CSRNP3: variants seen among roughly 807,000 people sequenced by gnomAD.
CSRNP3 encodes the protein cysteine and serine rich nuclear protein 3, also known as cysteine/serine-rich nuclear protein 3.
In CSRNP3, 12 loss-of-function variants were observed where a neutral mutation model predicts 48.0. That is an observed-to-expected ratio of 0.25 (90% CI 0.16 to 0.41). The LOEUF is 0.41. Among genes scored for constraint, CSRNP3 ranks in the 10% least tolerant of loss-of-function variants. The pLI is 1.00. For missense variants in CSRNP3, 580 were observed against 724.4 expected (o/e 0.80, Z 2.29); for synonymous variants, 263 against 269.7 (o/e 0.98, Z 0.24).
chr2:165,505,290 A>G (rs1279298543), intron 2 of CSRNP3, among the ~76,000 whole-genome samples: 3 of 152,166 alleles, frequency 2.0e-5, no homozygotes, highest in Non-Finnish European at 4.4e-5. Flanking sequence ...ACTTAATTGG[A>G]GAATAATAAA....
At chr2:165,484,715 G>A (rs1231145598) in intron 1 of CSRNP3, among the ~76,000 whole-genome samples, 3 of 152,084 alleles carry the variant, frequency 2.0e-5, no homozygotes, top group African/African-American at 7.2e-5. Context: ...ACCTATTACT[G>A]CAGACATCTG....
chr2:165,528,397 AG>A (rs1684768155), intron 3 of CSRNP3, among the ~76,000 whole-genome samples: 1 of 152,204 alleles, frequency 6.6e-6, no homozygotes, highest in African/African-American at 2.4e-5. Flanking sequence ...ATAATTGCCC[AG>A]ACCAGTGTCA....
intron 3 of CSRNP3, among the ~76,000 whole-genome samples, chr2:165,524,288 A>G (rs1447355754): frequency 6.6e-6 from 1 of 152,200 alleles, no homozygotes; most frequent in Non-Finnish European, 1.5e-5. Flanking sequence ...ACTTGGGGGA[A>G]AATAAGGTGT....
intron 2 of CSRNP3, among the ~76,000 whole-genome samples, chr2:165,509,197 AG>A (rs1171180396): frequency 2.0e-5 from 3 of 152,184 alleles, no homozygotes; most frequent in African/African-American, 7.2e-5. Flanking sequence ...ATGTGCTGTG[AG>A]GAAAAATAAA....
intron 5 of CSRNP3, among the ~76,000 whole-genome samples, chr2:165,667,986 T>C (rs1392589586): frequency 6.6e-6 from 1 of 152,240 alleles, no homozygotes; most frequent in Non-Finnish European, 1.5e-5. Flanking sequence ...TTTAAAAATG[T>C]ATTAATCAAT....
chr2:165,613,802 C>T (rs140460937), intron 4 of CSRNP3, among the ~76,000 whole-genome samples: 157 of 152,180 alleles, frequency 1.0e-3, no homozygotes, highest in African/African-American at 3.2e-3. Flanking sequence ...GTTACTACAG[C>T]TTTGTAGTGG....
intron 4 of CSRNP3, among the ~76,000 whole-genome samples, chr2:165,634,347 G>GAA: frequency 6.6e-6 from 1 of 151,256 alleles, no homozygotes; most frequent in East Asian, 1.9e-4. Context: ...TCCAAAAAAA[G>GAA]AAAAAAAACA....
intron 4 of CSRNP3, among the ~76,000 whole-genome samples, chr2:165,600,175 T>G (rs1019036689): frequency 7.0e-6 from 1 of 142,558 alleles, no homozygotes; most frequent in African/African-American, 2.6e-5. Flanking sequence ...TGAGTGAGAA[T>G]ATGCGGTGTT....
chr2:165,534,918 G>A (rs926184622), intron 3 of CSRNP3, among the ~76,000 whole-genome samples: 10 of 151,746 alleles, frequency 6.6e-5, no homozygotes, highest in African/African-American at 2.4e-4. Context: ...AATTATTAAA[G>A]CAAGTATATA....
intron 4 of CSRNP3, among the ~76,000 whole-genome samples, chr2:165,651,562 A>C (rs187426738): frequency 9.6e-4 from 145 of 151,770 alleles, no homozygotes; most frequent in African/African-American, 3.4e-3. Context: ...TTCTTTATAT[A>C]ATTTATAGTA....
intron 3 of CSRNP3, among the ~76,000 whole-genome samples, chr2:165,522,379 C>A (rs1684674848): frequency 6.6e-6 from 1 of 152,054 alleles, no homozygotes; most frequent in Admixed American, 6.6e-5. Flanking sequence ...GTGAAACTCA[C>A]CTCTATTTGA....
At chr2:165,637,482 A>G (rs559775180) in intron 4 of CSRNP3, among the ~76,000 whole-genome samples, 1 of 152,262 alleles carries the variant, frequency 6.6e-6, no homozygotes, top group East Asian at 1.9e-4. Context: ...TGGTATTAGT[A>G]CTCATAGCTG....
At chr2:165,534,632 A>C (rs1485136881) in intron 3 of CSRNP3, among the ~76,000 whole-genome samples, 1 of 151,888 alleles carries the variant, frequency 6.6e-6, no homozygotes, top group Admixed American at 6.6e-5. Flanking sequence ...ATAAACTATC[A>C]TAAATTCTTA....
chr2:165,478,182 A>C (rs976106273), intron 1 of CSRNP3, among the ~76,000 whole-genome samples: 2 of 152,336 alleles, frequency 1.3e-5, no homozygotes, highest in Middle Eastern at 3.4e-3. Context: ...TGCTTCACTA[A>C]GCATTTTTAA....
chr2:165,651,771 T>C (rs967588113), intron 4 of CSRNP3, among the ~76,000 whole-genome samples: 1 of 151,156 alleles, frequency 6.6e-6, no homozygotes. Flanking sequence ...TTCTCCTGCC[T>C]CAGCCTCCCG....
At chr2:165,521,173 C>CAA (rs1348766008) in intron 3 of CSRNP3, among the ~76,000 whole-genome samples, 8 of 135,640 alleles carry the variant, frequency 5.9e-5, no homozygotes, top group Non-Finnish European at 6.4e-5. Context: ...ATGGGAAAGC[C>CAA]AAAAAAAAAA....
intron 2 of CSRNP3, among the ~76,000 whole-genome samples, chr2:165,496,433 A>T (rs1033253863): frequency 6.6e-6 from 1 of 152,088 alleles, no homozygotes; most frequent in Non-Finnish European, 1.5e-5. Flanking sequence ...CGCCTAGAAG[A>T]GTACTGAGCA....
intron 4 of CSRNP3, among the ~76,000 whole-genome samples, chr2:165,630,744 T>C (rs377456890): frequency 4.1e-4 from 63 of 152,364 alleles, no homozygotes; most frequent in African/African-American, 1.4e-3. Context: ...CACCCTGTAG[T>C]GGGAATTTTA....
chr2:165,650,802 A>G (rs1686891102), intron 4 of CSRNP3, among the ~76,000 whole-genome samples: 1 of 152,168 alleles, frequency 6.6e-6, no homozygotes, highest in Admixed American at 6.5e-5. Context: ...TAAATTCAAA[A>G]CCATAGACTT....
Sources: gnomAD v4.1 joint callset for allele counts (sites outside exome capture counted in the v4.1 genomes callset) on GRCh38, gnomAD v4.1.1 for gene constraint, MANE v1.5 for transcripts, NCBI Gene and HGNC (gene_info 2026-07-23, HGNC 2026-07-21) for gene names.